Variants in KCNJ6 observed in about 807,000 individuals in gnomAD.
The protein encoded by KCNJ6 is G protein-activated inward rectifier potassium channel 2.
Under a neutral mutation model 34.2 loss-of-function variants are expected in KCNJ6, and 9 were observed. The observed-to-expected ratio is 0.26, with a 90% CI of 0.16 to 0.46. The LOEUF is 0.46. Among genes scored for constraint, KCNJ6 ranks in the 20% least tolerant of loss-of-function variants. KCNJ6 has a pLI of 1.00. For missense variants in KCNJ6, 236 were observed against 531.3 expected (o/e 0.44, Z 5.46); for synonymous variants, 196 against 207.1 (o/e 0.95, Z 0.46).
intron 2 of KCNJ6, among the ~76,000 whole-genome samples, chr21:37,720,605 AGTT>A (rs1476784433): frequency 6.6e-6 from 1 of 152,158 alleles, no homozygotes; most frequent in Non-Finnish European, 1.5e-5. Context: ...ACCAAGTGTC[AGTT>A]GTTTGGGCAG....
At chr21:37,719,026 A>G (rs1192804277) in intron 2 of KCNJ6, among the ~76,000 whole-genome samples, 2 of 152,088 alleles carry the variant, frequency 1.3e-5, no homozygotes, top group African/African-American at 4.8e-5. Context: ...TGGGATGAAC[A>G]GGCATGGAGT....
At chr21:37,822,828 T>C (rs779760241) in intron 2 of KCNJ6, among the ~76,000 whole-genome samples, 1 of 152,214 alleles carries the variant, frequency 6.6e-6, no homozygotes, top group Non-Finnish European at 1.5e-5. Flanking sequence ...GGGTCTTATA[T>C]GACAGCTCAG....
At chr21:37,746,297 G>A (rs2123479791) in intron 2 of KCNJ6, among the ~76,000 whole-genome samples, 1 of 152,266 alleles carries the variant, frequency 6.6e-6, no homozygotes, top group African/African-American at 2.4e-5. Flanking sequence ...GCAGTCCTTA[G>A]GTAGCAAATC....
At chr21:37,724,640 G>A (rs2054844610) in intron 2 of KCNJ6, among the ~76,000 whole-genome samples, 2 of 152,184 alleles carry the variant, frequency 1.3e-5, no homozygotes, top group Admixed American at 6.5e-5. Context: ...ATGGATTTTG[G>A]ATGGCAGAGG....
chr21:37,831,090 T>C (rs1020695537), intron 2 of KCNJ6, among the ~76,000 whole-genome samples: 2 of 152,210 alleles, frequency 1.3e-5, no homozygotes, highest in African/African-American at 2.4e-5. Context: ...TCAGGCCTTC[T>C]AGTCCATTTC....
chr21:37,725,296 G>C (rs946160536), intron 2 of KCNJ6, among the ~76,000 whole-genome samples: 3 of 152,154 alleles, frequency 2.0e-5, no homozygotes, highest in Admixed American at 2.0e-4. Flanking sequence ...AGGAGGCTGA[G>C]GCAAGAGAAT....
intron 3 of KCNJ6, among the ~76,000 whole-genome samples, chr21:37,697,387 T>G (rs2054668431): frequency 1.3e-5 from 2 of 152,122 alleles, no homozygotes; most frequent in African/African-American, 2.4e-5. Context: ...CCATAGAAAG[T>G]GGGGTGGGAA....
intron 2 of KCNJ6, among the ~76,000 whole-genome samples, chr21:37,809,050 A>C (rs2055307985): frequency 6.6e-6 from 1 of 152,236 alleles, no homozygotes; most frequent in Non-Finnish European, 1.5e-5. Flanking sequence ...ATTATACATC[A>C]TGCTGCTATA....
chr21:37,875,230 T>A lies in KCNJ6; in HGVS notation c.-27-34521A>T, dbSNP rs139617349. Among the ~76,000 whole-genome samples, 690 of 152,322 alleles carry A rather than the reference T, an allele frequency of 4.5e-3. 3 individuals carry two copies. The highest frequency in any genetic ancestry group is 7.8e-3 in the Non-Finnish European group (530 of 68,028). On this transcript the variant is annotated intron_variant, in intron 1 of 3. Coordinates refer to ENST00000609713, the MANE Select transcript of KCNJ6 (RefSeq NM_002240.5). Reference sequence around the variant, plus strand: ...TTCTCCCCAACAAACAGGCATTATTTTTGTAAAATAAAAAAATCTTATTTT... The same window carrying A: ...TTCTCCCCAACAAACAGGCATTATTATTGTAAAATAAAAAAATCTTATTTT...
chr21:37,754,497 T>C (rs1302348463), intron 2 of KCNJ6, among the ~76,000 whole-genome samples: 2 of 152,292 alleles, frequency 1.3e-5, no homozygotes, highest in African/African-American at 2.4e-5. Context: ...CAAATGTCAC[T>C]TGGTTACAGA....
At chr21:37,632,418 CAAG>C (rs1006207922) in intron 3 of KCNJ6, among the ~76,000 whole-genome samples, 4 of 151,454 alleles carry the variant, frequency 2.6e-5, no homozygotes, top group African/African-American at 9.7e-5. Context: ...TATTAGAAAA[CAAG>C]AAAGTCTGAA....
intron 3 of KCNJ6, among the ~76,000 whole-genome samples, chr21:37,626,506 C>A (rs893128069): frequency 1.3e-5 from 2 of 152,122 alleles, no homozygotes; most frequent in African/African-American, 4.8e-5. Flanking sequence ...CTACCAGCAG[C>A]CCTGGAGTCA....
intron 1 of KCNJ6, among the ~76,000 whole-genome samples, chr21:37,855,953 C>T (rs2123596287): frequency 6.6e-6 from 1 of 152,300 alleles, no homozygotes; most frequent in South Asian, 2.1e-4. Flanking sequence ...TGTTCAGCCT[C>T]CCTGTCCCAG....
intron 2 of KCNJ6, among the ~76,000 whole-genome samples, chr21:37,730,457 G>A (rs557333111): frequency 1.3e-5 from 2 of 152,310 alleles, no homozygotes; most frequent in South Asian, 4.1e-4. Context: ...ACCTTGAAGA[G>A]TTACTGTGAG....
At position 37,621,251 on chromosome 21, in the gene KCNJ6, T is replaced by C. The variant is rs2054288940; in HGVS notation, c.*3908A>G. On this transcript the variant is annotated 3_prime_UTR_variant, in exon 4 of 4. Coordinates refer to ENST00000609713, the MANE Select transcript of KCNJ6 (RefSeq NM_002240.5). ...GAGTAGCCAGACTATTAGCAAACTG[T>C]TTTGGAAATGATTTACTATGAGTAT... is the stretch of plus-strand genomic sequence containing the variant. The C allele has an allele frequency of 6.6e-6, 1 of 152,222 alleles. No individual in the cohort carries two copies. Among genetic ancestry groups the C allele is most frequent in the Non-Finnish European group, 1.5e-5 (1 of 68,040 alleles). 9.4% of individuals were successfully genotyped at this position (152,222 alleles called of 1,614,324 possible). A position where few individuals can be genotyped will look rare whatever the true frequency, so the allele number is the denominator to read the frequency against.
At chr21:37,670,941 A>G (rs1029204743) in intron 3 of KCNJ6, among the ~76,000 whole-genome samples, 1 of 151,932 alleles carries the variant, frequency 6.6e-6, no homozygotes, top group Non-Finnish European at 1.5e-5. Flanking sequence ...CATTTTTTGG[A>G]TGCTATTGTC....
At chr21:37,769,443 T>TTAC (rs2055107463) in intron 2 of KCNJ6, among the ~76,000 whole-genome samples, 2 of 146,162 alleles carry the variant, frequency 1.4e-5, no homozygotes, top group African/African-American at 5.0e-5. Flanking sequence ...ATTATTATTA[T>TTAC]TACTATATTT....
At chr21:37,914,011 GTGTGTGTGTGT>G (rs1568894508) in intron 1 of KCNJ6, among the ~76,000 whole-genome samples, 2 of 121,562 alleles carry the variant, frequency 1.6e-5, no homozygotes, top group Non-Finnish European at 3.2e-5. Flanking sequence ...GGATCGGGGT[GTGTGTGTGTGT>G]GTGTGTGTGT....
intron 1 of KCNJ6, among the ~76,000 whole-genome samples, chr21:37,870,138 C>A (rs557674958): frequency 7.9e-5 from 12 of 152,280 alleles, no homozygotes; most frequent in Middle Eastern, 3.4e-3. Context: ...CCAGATGATA[C>A]ATTTTCCCTT....
Sources: gnomAD v4.1 joint callset for allele counts (sites outside exome capture counted in the v4.1 genomes callset) on GRCh38, gnomAD v4.1.1 for gene constraint, MANE v1.5 for transcripts, NCBI Gene and HGNC (gene_info 2026-07-23, HGNC 2026-07-21) for gene names.